RALYL: variants seen among roughly 807,000 people sequenced by gnomAD.
RALYL encodes RALY RNA binding protein like.
In RALYL, 29 loss-of-function variants were observed where a neutral mutation model predicts 35.1. That is an observed-to-expected ratio of 0.83 (90% CI 0.61 to 1.13). RALYL has a LOEUF of 1.13. Ranked by LOEUF, RALYL falls within the 50% of genes most tolerant of loss-of-function variation. The probability of loss-of-function intolerance (pLI) is 0.00; values close to 1 mark genes in which losing one functional copy is unlikely to be tolerated. For missense variants in RALYL, 359 were observed against 360.4 expected (o/e 1.00, Z 0.03); for synonymous variants, 120 against 127.6 (o/e 0.94, Z 0.40).
intron 1 of RALYL, among the ~76,000 whole-genome samples, chr8:84,416,402 G>C (rs2044702065): frequency 6.6e-6 from 1 of 152,174 alleles, no homozygotes; most frequent in Admixed American, 6.5e-5. Context: ...GGGCAGGTAA[G>C]GCTCTCCTGA....
At chr8:84,300,699 A>C (rs189090556) in intron 1 of RALYL, among the ~76,000 whole-genome samples, 1 of 152,004 alleles carries the variant, frequency 6.6e-6, no homozygotes, top group Admixed American at 6.6e-5. Context: ...TGTCTTTTGT[A>C]TCATTGTTTG....
At chr8:84,464,897 A>G (rs1259398351) in intron 1 of RALYL, among the ~76,000 whole-genome samples, 3 of 138,924 alleles carry the variant, frequency 2.2e-5, no homozygotes, top group Non-Finnish European at 3.1e-5. Flanking sequence ...GCCAGTGATG[A>G]TGAGCATTTT....
intron 2 of RALYL, among the ~76,000 whole-genome samples, chr8:84,534,284 A>G (rs1288684350): frequency 6.6e-6 from 1 of 152,122 alleles, no homozygotes; most frequent in African/African-American, 2.4e-5. Context: ...ACCTCACCCT[A>G]CTTCCCCACT....
At chr8:84,377,605 T>G (rs1171485774) in intron 1 of RALYL, among the ~76,000 whole-genome samples, 1 of 151,592 alleles carries the variant, frequency 6.6e-6, no homozygotes, top group East Asian at 1.9e-4. Flanking sequence ...AGGTTGTGCT[T>G]TAGTGTTCTT....
intron 1 of RALYL, among the ~76,000 whole-genome samples, chr8:84,401,799 T>C (rs1365238496): frequency 6.6e-6 from 1 of 152,030 alleles, no homozygotes; most frequent in African/African-American, 2.4e-5. Context: ...TATGACTCTA[T>C]AGCCTGACAG....
At chr8:84,909,730 C>G (rs1847183679) in intron 8 of RALYL, among the ~76,000 whole-genome samples, 1 of 152,024 alleles carries the variant, frequency 6.6e-6, no homozygotes, top group Non-Finnish European at 1.5e-5. Context: ...TGGCACTTCC[C>G]TCATGGTGCT....
chr8:84,815,885 T>C (rs1198452865), intron 4 of RALYL, among the ~76,000 whole-genome samples: 3 of 151,612 alleles, frequency 2.0e-5, no homozygotes, highest in Non-Finnish European at 4.4e-5. Flanking sequence ...AATACAAAAA[T>C]TAGCTGGACG....
At chr8:84,230,265 A>G (rs12679651) in intron 1 of RALYL, among the ~76,000 whole-genome samples, 10,358 of 152,094 alleles carry the variant, frequency 0.068, 589 homozygotes, top group East Asian at 0.15. Flanking sequence ...ATTTCATTCC[A>G]TAAGTTAAAT....
chr8:84,348,174 G>A (rs1187795545), intron 1 of RALYL, among the ~76,000 whole-genome samples: 1 of 152,006 alleles, frequency 6.6e-6, no homozygotes, highest in Non-Finnish European at 1.5e-5. Flanking sequence ...ACTAAGTAAG[G>A]TTGCAATTTG....
chr8:84,618,400 T>C (rs1441222181), intron 2 of RALYL, among the ~76,000 whole-genome samples: 4 of 151,540 alleles, frequency 2.6e-5, no homozygotes, highest in Non-Finnish European at 5.9e-5. Flanking sequence ...TGTAGTATTC[T>C]CTGATGGTAG....
chr8:84,841,147 G>T (rs1205502306), intron 4 of RALYL, among the ~76,000 whole-genome samples: 1 of 152,070 alleles, frequency 6.6e-6, no homozygotes, highest in Non-Finnish European at 1.5e-5. Context: ...TGGGCTAAAT[G>T]CTCCAATTAA....
At chr8:84,737,131 C>T (rs1018544873) in intron 2 of RALYL, among the ~76,000 whole-genome samples, 3 of 152,016 alleles carry the variant, frequency 2.0e-5, no homozygotes, top group South Asian at 4.1e-4. Context: ...AAAGCCAAGA[C>T]AGAAATTTTC....
In RALYL at chr8:84,539,555, G is replaced by A. The variant is rs566833161; in HGVS notation, c.256+9978G>A. Among the ~76,000 whole-genome samples the A allele has an allele frequency of 8.8e-4, 134 of 151,950 alleles. 1 individual carries two copies. In the South Asian group the frequency reaches 0.013, roughly 15 times the overall value. ...AGACCAAATAGTCATGATGGTTTCT[G>A]CTTTTTCTGTCTTGTTGAAAAAAAT... On this transcript the variant is annotated intron_variant, in intron 2 of 8. Transcript: ENST00000521268.
intron 1 of RALYL, among the ~76,000 whole-genome samples, chr8:84,359,638 C>T (rs947621270): frequency 4.6e-5 from 7 of 152,096 alleles, no homozygotes; most frequent in Middle Eastern, 6.8e-3. Flanking sequence ...AGACTTTCCT[C>T]GTTTGTATAT....
chr8:84,904,766 T>C (rs1473238730), intron 8 of RALYL, among the ~76,000 whole-genome samples: 1 of 152,180 alleles, frequency 6.6e-6, no homozygotes, highest in Non-Finnish European at 1.5e-5. Flanking sequence ...ACTGTAACCA[T>C]GGAAATATCA....
At chr8:84,832,537 CT>C (rs1383480373) in intron 4 of RALYL, among the ~76,000 whole-genome samples, 6 of 151,940 alleles carry the variant, frequency 3.9e-5, no homozygotes, top group Non-Finnish European at 8.8e-5. Flanking sequence ...TGCAATTTTT[CT>C]TTTTTTGACT....
At chr8:84,467,314 A>G (rs2051849084) in intron 1 of RALYL, among the ~76,000 whole-genome samples, 1 of 150,888 alleles carries the variant, frequency 6.6e-6, no homozygotes, top group Non-Finnish European at 1.5e-5. Flanking sequence ...ACTGCTTTGA[A>G]TGCGTCCCAG....
chr8:84,493,019 G>T (rs2055527089), intron 1 of RALYL, among the ~76,000 whole-genome samples: 1 of 152,098 alleles, frequency 6.6e-6, no homozygotes, highest in African/African-American at 2.4e-5. Context: ...CATCACCTAG[G>T]TTTTAAGCCC....
intron 2 of RALYL, among the ~76,000 whole-genome samples, chr8:84,576,287 A>T (rs1809411453): frequency 6.6e-6 from 1 of 152,220 alleles, no homozygotes; most frequent in African/African-American, 2.4e-5. Flanking sequence ...CACTGAACAT[A>T]AGCATTACTG....
Sources: allele counts gnomAD v4.1 joint callset (sites outside exome capture counted in the v4.1 genomes callset), GRCh38; gene constraint gnomAD v4.1.1; transcripts MANE v1.5; gene names NCBI Gene and HGNC (gene_info 2026-07-23, HGNC 2026-07-21).